The following H2BN1 variants were observed in gnomAD, a reference collection of about 807,000 sequenced individuals.
The protein encoded by H2BN1 is H2B.N variant histone 1.
the H2BN1 span, among the ~76,000 whole-genome samples, chr17:32,903,410 C>A: frequency 1.3e-5 from 2 of 152,046 alleles, no homozygotes; most frequent in Non-Finnish European, 2.9e-5. Flanking sequence ...GCAAAATTTA[C>A]ATCGTAAGTT....
At chr17:32,898,347 G>C in the H2BN1 span, among the ~76,000 whole-genome samples, 1 of 152,178 alleles carries the variant, frequency 6.6e-6, no homozygotes, top group Non-Finnish European at 1.5e-5. Context: ...AAAGTGGGGA[G>C]GGGCTTCCAG....
chr17:32,898,127 GTTAGC>G, the H2BN1 span, among the ~76,000 whole-genome samples: 1 of 143,202 alleles, frequency 7.0e-6, no homozygotes, highest in Non-Finnish European at 1.5e-5. Flanking sequence ...ATAGGTCTCA[GTTAGC>G]TTAGAAAGTT....
the H2BN1 span, among the ~76,000 whole-genome samples, chr17:32,896,051 C>T: frequency 6.6e-6 from 1 of 152,102 alleles, no homozygotes; most frequent in African/African-American, 2.4e-5. Context: ...GCCCACGCCA[C>T]CATGCCTAGC....
the H2BN1 span, among the ~76,000 whole-genome samples, chr17:32,901,065 G>T: frequency 6.6e-6 from 1 of 151,990 alleles, no homozygotes; most frequent in Non-Finnish European, 1.5e-5. Context: ...AAAATTAGCT[G>T]GGCATGGTGG....
At chr17:32,895,980 C>G in the H2BN1 span, among the ~76,000 whole-genome samples, 1 of 152,214 alleles carries the variant, frequency 6.6e-6, no homozygotes, top group African/African-American at 2.4e-5. Flanking sequence ...TCACTGCAGC[C>G]TCCATCTCCT....
At chr17:32,906,337 C>T in the H2BN1 span, 7 of 152,308 alleles carry the variant, frequency 4.6e-5, no homozygotes, top group South Asian at 2.1e-4. Flanking sequence ...AGATCCTTGG[C>T]GCAGTTAAGC....
At chr17:32,897,527 T>G in the H2BN1 span, among the ~76,000 whole-genome samples, 2 of 152,192 alleles carry the variant, frequency 1.3e-5, no homozygotes, top group Non-Finnish European at 2.9e-5. Flanking sequence ...GTTGTCTCTC[T>G]AACATTAAAC....
chr17:32,896,566 C>T, the H2BN1 span, among the ~76,000 whole-genome samples: 3 of 152,020 alleles, frequency 2.0e-5, no homozygotes, highest in African/African-American at 7.3e-5. Context: ...TCCCATATTC[C>T]GGTAATATCA....
the H2BN1 span, chr17:32,906,121 G>A: frequency 6.6e-6 from 1 of 152,064 alleles, no homozygotes; most frequent in Non-Finnish European, 1.5e-5. Context: ...CTGGGTGTTG[G>A]GTCAGACCAC....
the H2BN1 span, among the ~76,000 whole-genome samples, chr17:32,897,359 A>ACACACACACACACC: frequency 8.7e-5 from 1 of 11,506 alleles, no homozygotes; most frequent in African/African-American, 6.3e-4. Flanking sequence ...TCTCTGTCTT[A>ACACACACACACACC]CACACACACA....
At chr17:32,896,214 C>T in the H2BN1 span, among the ~76,000 whole-genome samples, 3 of 152,190 alleles carry the variant, frequency 2.0e-5, no homozygotes, top group Non-Finnish European at 4.4e-5. Context: ...CTGCGCCTGG[C>T]CTAAACTGAT....
At chr17:32,896,448 G>C in the H2BN1 span, among the ~76,000 whole-genome samples, 34 of 152,228 alleles carry the variant, frequency 2.2e-4, 1 homozygote, top group East Asian at 5.8e-3. Context: ...CCCCTCAAAA[G>C]CTGGGAAGAT....
At chr17:32,905,384 T>G in the H2BN1 span, among the ~76,000 whole-genome samples, 1 of 152,190 alleles carries the variant, frequency 6.6e-6, no homozygotes, top group Non-Finnish European at 1.5e-5. Context: ...AGTTAGCTCA[T>G]GCTGGTACCA....
the H2BN1 span, among the ~76,000 whole-genome samples, chr17:32,895,587 T>C: frequency 0.024 from 3,699 of 152,242 alleles, 157 homozygotes; most frequent in African/African-American, 0.083. Context: ...TTTAGTTACA[T>C]GGGGAAAATC....
the H2BN1 span, among the ~76,000 whole-genome samples, chr17:32,896,630 A>G: frequency 7.9e-5 from 12 of 152,334 alleles, no homozygotes; most frequent in Admixed American, 7.2e-4. Flanking sequence ...GATTAAGGAA[A>G]GATGGGAGAG....
At chr17:32,896,628 A>G in the H2BN1 span, among the ~76,000 whole-genome samples, 5 of 152,178 alleles carry the variant, frequency 3.3e-5, no homozygotes, top group African/African-American at 1.2e-4. Flanking sequence ...GAGATTAAGG[A>G]AAGATGGGAG....
the H2BN1 span, among the ~76,000 whole-genome samples, chr17:32,900,181 C>A: frequency 6.6e-6 from 1 of 152,120 alleles, no homozygotes; most frequent in African/African-American, 2.4e-5. Context: ...AGGAATTTCC[C>A]ATAATTTTGG....
chr17:32,896,954 G>A, the H2BN1 span, among the ~76,000 whole-genome samples: 1 of 152,202 alleles, frequency 6.6e-6, no homozygotes, highest in Non-Finnish European at 1.5e-5. Flanking sequence ...AGTCCTTTGT[G>A]CATTCCCTGG....
At chr17:32,904,760 CTT>C in the H2BN1 span, among the ~76,000 whole-genome samples, 5 of 143,758 alleles carry the variant, frequency 3.5e-5, no homozygotes, top group Non-Finnish European at 1.5e-5. Context: ...AATGAAAGAA[CTT>C]TTTTTTTTTT....
Sources: gnomAD v4.1 joint callset for allele counts (sites outside exome capture counted in the v4.1 genomes callset) on GRCh38, gnomAD v4.1.1 for gene constraint, MANE v1.5 for transcripts, NCBI Gene and HGNC (gene_info 2026-07-23, HGNC 2026-07-21) for gene names.